ERCC6L: variants seen among roughly 807,000 people sequenced by gnomAD.
ERCC6L encodes DNA excision repair protein ERCC-6-like.
A neutral mutation model predicts 20.1 loss-of-function variants in ERCC6L; 7 were observed. The observed-to-expected ratio is 0.35, with a 90% CI of 0.20 to 0.65. The LOEUF (loss-of-function observed/expected upper bound fraction) is 0.65. ERCC6L is among the 30% of genes least tolerant of loss of function. ERCC6L has a pLI of 0.69. For synonymous variants in ERCC6L, 278 were observed against 331.3 expected (o/e 0.84, Z 1.75); for missense variants, 592 against 892.4 (o/e 0.66, Z 4.29).
At chrX:72,216,336 T>A (rs2042887138) in intron 1 of ERCC6L, among the ~76,000 whole-genome samples, 3 of 111,165 alleles carry the variant, frequency 2.7e-5, no homozygotes, top group South Asian at 7.6e-4. Context: ...TATTTCTCAG[T>A]CTCCAAAAAG....
Position 72,205,355 on chromosome X carries a change from C to T in ERCC6L, c.3412G>A (p.Ala1138Thr), listed in dbSNP as rs1216228000. The T allele has an allele frequency of 8.3e-7, 1 of 1,210,463 alleles. No individual in the cohort carries two copies. The highest frequency in any genetic ancestry group is 3.0e-5 in the East Asian group (1 of 33,788). ...GGATCCTCTTCTGTATACTTGGAGG[C>T]TTCGCCACTGCTTTCCTCCACCCCT... The part of the protein sequence containing the change: ...EEGVEESSGE[A>T]SKYTEEDPSG... Residue 1138 changes from alanine to threonine, a missense_variant, in exon 2 of 2, where the codon GCC (alanine) becomes ACC (threonine). Transcript: ENST00000334463.
intron 1 of ERCC6L, among the ~76,000 whole-genome samples, chrX:72,218,224 C>T (rs772778089): frequency 2.4e-4 from 25 of 104,386 alleles, no homozygotes; most frequent in Non-Finnish European, 4.1e-4. Flanking sequence ...GAGTCAAGAT[C>T]GCACCACTGC....
intron 1 of ERCC6L, among the ~76,000 whole-genome samples, chrX:72,214,171 T>C (rs2042873679): frequency 8.9e-6 from 1 of 112,267 alleles, no homozygotes; most frequent in Admixed American, 9.4e-5. Flanking sequence ...TTCCTTCCTT[T>C]TGGCTTCACT....
chrX:72,214,760 G>A (rs916367684), intron 1 of ERCC6L, among the ~76,000 whole-genome samples: 5 of 111,010 alleles, frequency 4.5e-5, no homozygotes, highest in Admixed American at 9.6e-5. Flanking sequence ...GCCGAGGTGG[G>A]CAGATCACTT....
chrX:72,234,147 T>C (rs1602453499), intron 1 of ERCC6L, among the ~76,000 whole-genome samples: 1 of 111,623 alleles, frequency 9.0e-6, no homozygotes, highest in Admixed American at 9.6e-5. Context: ...AAGGAATATA[T>C]ACTTAAGTAT....
chrX:72,210,191 C>CTCT (rs1255931306), intron 1 of ERCC6L, among the ~76,000 whole-genome samples: 3 of 42,253 alleles, frequency 7.1e-5, no homozygotes, highest in East Asian at 0.12. Flanking sequence ...CATAGCGAGA[C>CTCT]TGTCTCTTAA....
chrX:72,221,515 C>T (rs2042923178), intron 1 of ERCC6L, among the ~76,000 whole-genome samples: 1 of 110,999 alleles, frequency 9.0e-6, no homozygotes, highest in African/African-American at 3.3e-5. Context: ...ACATGGGTGC[C>T]AAACAATCCC....
intron 1 of ERCC6L, among the ~76,000 whole-genome samples, chrX:72,215,517 A>G (rs1214892781): frequency 8.9e-6 from 1 of 112,087 alleles, no homozygotes; most frequent in Non-Finnish European, 1.9e-5. Flanking sequence ...GATTGATGGA[A>G]TAGATGCAAG....
intron 1 of ERCC6L, among the ~76,000 whole-genome samples, chrX:72,222,060 A>T (rs948522135): frequency 3.7e-5 from 4 of 108,041 alleles, no homozygotes; most frequent in Non-Finnish European, 7.7e-5. Context: ...CCAGCCCCAA[A>T]CCCCACTCCT....
At chrX:72,212,003 G>C (rs2042857222) in intron 1 of ERCC6L, among the ~76,000 whole-genome samples, 1 of 111,247 alleles carries the variant, frequency 9.0e-6, no homozygotes, top group East Asian at 2.8e-4. Flanking sequence ...GGCTGGGCAT[G>C]GTGGCTCATG....
In ERCC6L at chrX:72,206,397, G is replaced by A; in HGVS notation, c.2370C>T (p.Ser790=). The A allele has an allele frequency of 1.7e-6, 2 of 1,209,652 alleles. No homozygotes were observed. Among genetic ancestry groups the A allele is most frequent in the Non-Finnish European group, 2.2e-6 (2 of 894,482 alleles). The change falls in exon 2 of 2, where the codon TCC becomes TCT. Residue 790 remains serine, a synonymous_variant. Transcript: ENST00000334463. ...LPKEGEKQDL[S]SIKVNVTTLQ... ...AGGTGGTAACATTCACCTTTATACT[G>A]GAGAGATCTTGTTTCTCACCCTCTT...
At chrX:72,218,217 T>G (rs1453316445) in intron 1 of ERCC6L, among the ~76,000 whole-genome samples, 1 of 103,074 alleles carries the variant, frequency 9.7e-6, no homozygotes, top group African/African-American at 3.6e-5. Flanking sequence ...TTGCAGTGAG[T>G]CAAGATCGCA....
rs372682770 is a variant in ERCC6L at position 72,227,602 on chromosome X, G to A, written c.68+11242C>T. On this transcript the variant is annotated intron_variant, in intron 1 of 1. Coordinates refer to ENST00000334463, the MANE Select transcript of ERCC6L (RefSeq NM_017669.4). ...GTTTCCCCTCTTCTGTATATTATCC[G>A]CCATTTCATTTGGGAATATGCTGAC... 8.3e-4 allele frequency among the ~76,000 whole-genome samples: 92 copies of A among 110,756 alleles called. 1 individual carries two copies. Among genetic ancestry groups the A allele is most frequent in the East Asian group, 8.0e-3 (28 of 3,520 alleles).
intron 1 of ERCC6L, among the ~76,000 whole-genome samples, chrX:72,230,314 A>G (rs1285433658): frequency 9.0e-6 from 1 of 111,099 alleles, no homozygotes; most frequent in East Asian, 2.8e-4. Context: ...GGCCAGGAAG[A>G]TGGCAGCCTT....
chrX:72,231,940 G>GCAAT (rs1157732413), intron 1 of ERCC6L, among the ~76,000 whole-genome samples: 1 of 110,708 alleles, frequency 9.0e-6, no homozygotes, highest in African/African-American at 3.3e-5. Flanking sequence ...CTGGTCAAGT[G>GCAAT]CAATGGCTCA....
intron 1 of ERCC6L, among the ~76,000 whole-genome samples, chrX:72,213,949 T>C (rs753234801): frequency 8.9e-6 from 1 of 112,459 alleles, no homozygotes; most frequent in Non-Finnish European, 1.9e-5. Context: ...ATCCAGCTCC[T>C]GGAGTATCTG....
intron 1 of ERCC6L, among the ~76,000 whole-genome samples, chrX:72,225,085 T>C (rs1414170407): frequency 8.9e-6 from 1 of 112,149 alleles, no homozygotes; most frequent in Non-Finnish European, 1.9e-5. Flanking sequence ...TTTATCCTAT[T>C]GTTCCCAAAC....
chrX:72,214,923 G>A (rs1469945029), intron 1 of ERCC6L, among the ~76,000 whole-genome samples: 3 of 110,451 alleles, frequency 2.7e-5, no homozygotes, highest in Non-Finnish European at 5.7e-5. Flanking sequence ...GGAGATGGAG[G>A]TTGCAGTGAG....
At chrX:72,209,011 C>T (rs2042837228) in intron 1 of ERCC6L, among the ~76,000 whole-genome samples, 1 of 111,428 alleles carries the variant, frequency 9.0e-6, no homozygotes, top group Non-Finnish European at 1.9e-5. Context: ...TTTTGTAAAA[C>T]AAACCTCTAT....
Sources: allele counts gnomAD v4.1 joint callset (sites outside exome capture counted in the v4.1 genomes callset), GRCh38; gene constraint gnomAD v4.1.1; transcripts MANE v1.5; gene names NCBI Gene and HGNC (gene_info 2026-07-23, HGNC 2026-07-21).